The following SLC5A4 variants were observed in gnomAD, a reference collection of about 807,000 sequenced individuals.
SLC5A4 encodes the protein solute carrier family 5 member 4, also known as probable glucose sensor protein SLC5A4.
A neutral mutation model predicts 70.3 loss-of-function variants in SLC5A4; 55 were observed. The observed-to-expected ratio is 0.78, with a 90% CI of 0.63 to 0.98. The LOEUF is 0.98. SLC5A4 is among the 50% of genes least tolerant of loss of function. The pLI is 0.00. For missense variants in SLC5A4, 735 were observed against 839.2 expected (o/e 0.88, Z 1.53); for synonymous variants, 268 against 305.7 (o/e 0.88, Z 1.29).
At chr22:32,307,562 T>G in the SLC5A4 span, among the ~76,000 whole-genome samples, 1 of 152,204 alleles carries the variant, frequency 6.6e-6, no homozygotes, top group Non-Finnish European at 1.5e-5. Flanking sequence ...TGTCATTGAA[T>G]GGGTTTTCTA....
the SLC5A4 span, among the ~76,000 whole-genome samples, chr22:32,295,252 A>G: frequency 9.6e-6 from 1 of 104,468 alleles, no homozygotes; most frequent in South Asian, 3.3e-4. Context: ...TGACTTCCAC[A>G]TTGGTTGAAC....
the SLC5A4 span, chr22:32,327,288 C>T: frequency 6.6e-6 from 1 of 152,222 alleles, no homozygotes; most frequent in Non-Finnish European, 1.5e-5. Context: ...GGCACAGATC[C>T]AGGCTGATGA....
the SLC5A4 span, among the ~76,000 whole-genome samples, chr22:32,326,432 T>G: frequency 2.6e-5 from 4 of 152,086 alleles, no homozygotes; most frequent in African/African-American, 7.2e-5. Context: ...AGTTTTTTTA[T>G]TTTTAGTAGA....
chr22:32,271,400 T>C, the SLC5A4 span: 8 of 767,536 alleles, frequency 1.0e-5, no homozygotes, highest in African/African-American at 1.0e-4. Context: ...TGCTGGTGCA[T>C]GTGGACCAAA....
chr22:32,282,138 C>T, the SLC5A4 span, among the ~76,000 whole-genome samples: 347 of 152,312 alleles, frequency 2.3e-3, 1 homozygote, highest in Middle Eastern at 3.4e-3. Context: ...CCACGGCGCT[C>T]GGCCACTTCC....
the SLC5A4 span, among the ~76,000 whole-genome samples, chr22:32,328,096 A>C: frequency 9.2e-6 from 1 of 109,142 alleles, no homozygotes. Context: ...CCCAACACAC[A>C]AACACACACA....
chr22:32,278,981 A>C, the SLC5A4 span, among the ~76,000 whole-genome samples: 1 of 152,266 alleles, frequency 6.6e-6, no homozygotes, highest in Non-Finnish European at 1.5e-5. Context: ...TATCATTTAA[A>C]ACTTGCTGCT....
At chr22:32,224,157 T>G (rs1170800185) in intron 13 of SLC5A4, 110 bp downstream of exon 13, 1 of 764,746 alleles carries the variant, frequency 1.3e-6, no homozygotes, top group African/African-American at 1.7e-5. Context: ...CCTGACCTCG[T>G]GATCCGCCCG....
the SLC5A4 span, among the ~76,000 whole-genome samples, chr22:32,339,362 T>C: frequency 6.6e-6 from 1 of 152,306 alleles, no homozygotes; most frequent in East Asian, 1.9e-4. Context: ...CTTGTGTCCA[T>C]TGTACTGATG....
the SLC5A4 span, among the ~76,000 whole-genome samples, chr22:32,326,507 G>A: frequency 1.3e-5 from 2 of 151,894 alleles, no homozygotes; most frequent in East Asian, 1.9e-4. Context: ...CACCCGCCTC[G>A]GCCTCTCAAA....
At chr22:32,269,782 C>T in the SLC5A4 span, 1 of 683,682 alleles carries the variant, frequency 1.5e-6, no homozygotes, top group South Asian at 1.4e-5. This position sits in a 1 kb window ranked among gnomAD's most constrained non-coding sequence, Gnocchi z 4.1. Flanking sequence ...CTGGACTGCG[C>T]CCAGGCCACC....
rs79999749 is a variant in SLC5A4, at chr22:32,234,359, C to G, written c.885+514G>C. On this transcript the variant is annotated intron_variant, in intron 8 of 14. Transcript: ENST00000266086. ...GAAGGACAAGAAATAGGGTGGAAAGCAGGGCACCATGCAGCTATTTTTAAA... is the reference window on the plus strand; with the variant it reads ...GAAGGACAAGAAATAGGGTGGAAAGGAGGGCACCATGCAGCTATTTTTAAA... 8.5e-3 allele frequency among the ~76,000 whole-genome samples: 1,294 copies of G among 152,230 alleles called. 10 individuals carry two copies. The highest frequency in any genetic ancestry group is 0.013 in the Non-Finnish European group (868 of 68,004).
At chr22:32,334,086 C>T in the SLC5A4 span, among the ~76,000 whole-genome samples, 1 of 120,028 alleles carries the variant, frequency 8.3e-6, no homozygotes, top group African/African-American at 4.6e-5. Flanking sequence ...TGCCAGACAA[C>T]ACACACACAC....
chr22:32,228,068 G>C (rs1407106534), intron 11 of SLC5A4, among the ~76,000 whole-genome samples: 4 of 152,188 alleles, frequency 2.6e-5, no homozygotes, highest in Non-Finnish European at 4.4e-5. Flanking sequence ...ACAGTGGTTA[G>C]CTTTGGAACG....
At chr22:32,221,062 A>G (rs1569364169) in intron 13 of SLC5A4, 40 bp from the exon 14 acceptor site, 27 of 1,262,334 alleles carry the variant, frequency 2.1e-5, no homozygotes, top group Non-Finnish European at 3.1e-5. Flanking sequence ...GTAATAGGCA[A>G]ATGTTTGCAA....
the SLC5A4 span, among the ~76,000 whole-genome samples, chr22:32,315,891 G>A: frequency 9.2e-5 from 14 of 152,010 alleles, no homozygotes; most frequent in African/African-American, 1.4e-4. Flanking sequence ...GGGCAGGGCC[G>A]GGCATGGTGG....
At chr22:32,285,703 C>CT in the SLC5A4 span, among the ~76,000 whole-genome samples, 1 of 127,934 alleles carries the variant, frequency 7.8e-6, no homozygotes, top group Non-Finnish European at 1.7e-5. Context: ...ATCTTATTTT[C>CT]TTTTTTTATT....
the SLC5A4 span, among the ~76,000 whole-genome samples, chr22:32,354,562 C>T: frequency 8.3e-4 from 126 of 152,224 alleles, no homozygotes; most frequent in African/African-American, 2.9e-3. Flanking sequence ...ACTCGCCCGC[C>T]GGCCACGGCC....
At chr22:32,307,006 A>G in the SLC5A4 span, among the ~76,000 whole-genome samples, 6 of 152,294 alleles carry the variant, frequency 3.9e-5, no homozygotes, top group East Asian at 3.9e-4. Context: ...GCGCTGACCA[A>G]TGTGGAATCC....
Sources: gnomAD v4.1 joint callset for allele counts (sites outside exome capture counted in the v4.1 genomes callset) on GRCh38, gnomAD v4.1.1 for gene constraint, Gnocchi (gnomAD v3.1) non-coding constraint, MANE v1.5 for transcripts, NCBI Gene and HGNC (gene_info 2026-07-23, HGNC 2026-07-21) for gene names.